KDM2A: variants seen among roughly 807,000 people sequenced by gnomAD.
KDM2A encodes the protein lysine-specific demethylase 2A.
In KDM2A, 3 loss-of-function variants were observed where a neutral mutation model predicts 137.3. The observed-to-expected ratio is 0.02, with a 90% CI of 0.01 to 0.06. KDM2A has a LOEUF of 0.06. Among genes scored for constraint, KDM2A ranks in the 10% least tolerant of loss-of-function variants. The probability of loss-of-function intolerance (pLI) is 1.00; values close to 1 mark genes in which losing one functional copy is unlikely to be tolerated. For synonymous variants in KDM2A, 512 were observed against 541.5 expected (o/e 0.95, Z 0.76); for missense variants, 738 against 1,510.6 (o/e 0.49, Z 8.48).
At chr11:67,222,383 G>A (rs1184480839) in intron 10 of KDM2A, among the ~76,000 whole-genome samples, 1 of 20,066 alleles carries the variant, frequency 5.0e-5, no homozygotes, top group Non-Finnish European at 1.1e-4. Flanking sequence ...AGAGCACAGG[G>A]TTGGGGGTAA....
At chr11:67,213,531 G>T (rs1858059173) in intron 6 of KDM2A, among the ~76,000 whole-genome samples, 6 of 152,116 alleles carry the variant, frequency 3.9e-5, no homozygotes, top group Admixed American at 3.9e-4. Context: ...GCTGAGGCTG[G>T]TGGATTGCCT....
intron 2 of KDM2A, among the ~76,000 whole-genome samples, chr11:67,122,070 C>T (rs116224216): frequency 0.017 from 2,641 of 152,168 alleles, 83 homozygotes; most frequent in African/African-American, 0.06. Context: ...TTTTCTTAGC[C>T]AAAGAGAGCT....
At chr11:67,163,940 C>G (rs1235266256) in intron 2 of KDM2A, among the ~76,000 whole-genome samples, 1 of 151,890 alleles carries the variant, frequency 6.6e-6, no homozygotes, top group Non-Finnish European at 1.5e-5. Context: ...CTCATACAAC[C>G]CTGTGGAATG....
chr11:67,204,012 G>A (rs934814912), intron 5 of KDM2A, among the ~76,000 whole-genome samples: 3 of 151,932 alleles, frequency 2.0e-5, no homozygotes, highest in African/African-American at 7.3e-5. Context: ...TGTTGGCCAG[G>A]CTGGTCTCAA....
intron 17 of KDM2A, chr11:67,252,335 C>A: frequency 3.4e-6 from 1 of 290,888 alleles, no homozygotes; most frequent in Non-Finnish European, 6.8e-6. Context: ...AAGAGGCTCC[C>A]TTATATACAC....
At chr11:67,166,426 TCCGC>T (rs1281615855) in intron 2 of KDM2A, among the ~76,000 whole-genome samples, 1 of 152,072 alleles carries the variant, frequency 6.6e-6, no homozygotes, top group Non-Finnish European at 1.5e-5. Flanking sequence ...CCTCAAGTGA[TCCGC>T]CCGCCTTGGC....
At position 67,142,704 on chromosome 11, in the gene KDM2A, CA is replaced by C. The variant is rs60782221; in HGVS notation, c.42+21356del. The stretch of plus-strand genomic sequence containing the variant: ...GGGGGACAAGCGTGAGACTCCATCT[CA>C]AAAAAAAAAGTTAGAAATAAAAGTA... On this transcript the variant is annotated intron_variant, in intron 2 of 20. Coordinates refer to ENST00000529006, the MANE Select transcript of KDM2A (RefSeq NM_012308.3). Among the ~76,000 whole-genome samples the C allele has an allele frequency of 5.2e-4, 76 of 145,332 alleles. 1 individual carries two copies. The highest frequency in any genetic ancestry group is 2.7e-4 in the Non-Finnish European group (18 of 65,876).
At chr11:67,215,185 C>T (rs1438349505) in intron 6 of KDM2A, among the ~76,000 whole-genome samples, 155 bp from the exon 7 acceptor site, 1 of 152,064 alleles carries the variant, frequency 6.6e-6, no homozygotes, top group Non-Finnish European at 1.5e-5. Context: ...GCCTAGTAAT[C>T]CTAAGATTCG....
At chr11:67,156,333 C>A (rs1709837540) in intron 2 of KDM2A, among the ~76,000 whole-genome samples, 1 of 152,018 alleles carries the variant, frequency 6.6e-6, no homozygotes, top group Non-Finnish European at 1.5e-5. Context: ...GCCTGTAATC[C>A]CAACACTTTG....
intron 2 of KDM2A, among the ~76,000 whole-genome samples, chr11:67,125,506 T>C (rs1272078456): frequency 7.2e-5 from 11 of 152,074 alleles, no homozygotes; most frequent in Non-Finnish European, 8.8e-5. Flanking sequence ...GTGTGGTGGC[T>C]CACACCTGAA....
rs774982555 is a variant in KDM2A at position 67,231,752 on chromosome 11, A to G, written c.1271A>G (p.Asp424Gly). The G allele has an allele frequency of 8.7e-6, 14 of 1,613,798 alleles. No homozygotes were observed. The highest frequency in any genetic ancestry group is 1.3e-5 in the African/African-American group (1 of 74,894). The change falls in exon 12 of 21, where the codon GAC (aspartate) becomes GGC (glycine). Residue 424 changes from aspartate to glycine, a missense_variant. By Grantham distance (94) the Asp-to-Gly change is moderately conservative. This residue lies in a region of KDM2A where 113 missense variants were observed against 133.5 expected (regional missense o/e 0.85). Coordinates refer to ENST00000529006, the MANE Select transcript of KDM2A (RefSeq NM_012308.3). The stretch of plus-strand genomic sequence containing the variant: ...AGTCTGAAGAAAACTTTGGCTGGGG[A>G]CTCATCTTCTGACTGTAGCCGGGGC... The part of the protein sequence containing the change: ...LPSLKKTLAG[D>G]SSSDCSRGSH...
chr11:67,166,577 T>C (rs1856750442), intron 2 of KDM2A, among the ~76,000 whole-genome samples: 1 of 152,088 alleles, frequency 6.6e-6, no homozygotes, highest in African/African-American at 2.4e-5. Flanking sequence ...GATTACTTCT[T>C]GCCCGGCATG....
chr11:67,215,486 G>A (rs886771949), intron 7 of KDM2A, 40 bp downstream of exon 7: 1 of 1,331,026 alleles, frequency 7.5e-7, no homozygotes. Context: ...TGTGCTGTGG[G>A]AGACCAAAGC....
chr11:67,158,911 G>A (rs1856577812), intron 2 of KDM2A, among the ~76,000 whole-genome samples: 1 of 152,118 alleles, frequency 6.6e-6, no homozygotes, highest in African/African-American at 2.4e-5. Context: ...TAAATTTTGA[G>A]TATTAAGTCT....
At chr11:67,198,201 C>CTG (rs1464622162) in intron 5 of KDM2A, among the ~76,000 whole-genome samples, 4 of 152,130 alleles carry the variant, frequency 2.6e-5, no homozygotes, top group African/African-American at 9.7e-5. Flanking sequence ...ATCAACTGTG[C>CTG]TGAGTTCTCA....
intron 2 of KDM2A, among the ~76,000 whole-genome samples, chr11:67,151,161 TACAC>T (rs948026479): frequency 6.6e-6 from 1 of 152,164 alleles, no homozygotes; most frequent in African/African-American, 2.4e-5. Context: ...CTTTAGGAGA[TACAC>T]ATACATATAT....
chr11:67,155,653 G>A (rs1415764923), intron 2 of KDM2A, among the ~76,000 whole-genome samples: 1 of 151,058 alleles, frequency 6.6e-6, no homozygotes, highest in Admixed American at 6.6e-5. Flanking sequence ...TTTTGTTGTT[G>A]TTGCCCAGGC....
intron 11 of KDM2A, among the ~76,000 whole-genome samples, chr11:67,229,613 G>A (rs567004707): frequency 2.4e-4 from 36 of 152,306 alleles, no homozygotes; most frequent in Admixed American, 2.0e-3. Flanking sequence ...GCTCACACCT[G>A]TAATCCCAGC....
At chr11:67,211,341 CG>C (rs1565406107) in intron 6 of KDM2A, among the ~76,000 whole-genome samples, 1 of 151,934 alleles carries the variant, frequency 6.6e-6, no homozygotes, top group African/African-American at 2.4e-5. Context: ...AAGCCAGGTG[CG>C]GTAGCTCACG....
Sources: allele counts gnomAD v4.1 joint callset (sites outside exome capture counted in the v4.1 genomes callset), GRCh38; gene constraint gnomAD v4.1.1; regional missense constraint gnomAD v4.1.1; transcripts MANE v1.5; gene names NCBI Gene and HGNC (gene_info 2026-07-23, HGNC 2026-07-21).